The following RAB3IP variants were observed in gnomAD, a reference collection of about 807,000 sequenced individuals.
RAB3IP encodes the protein rab-3A-interacting protein.
In RAB3IP, 36 loss-of-function variants were observed where a neutral mutation model predicts 59.1. The observed-to-expected ratio is 0.61, with a 90% confidence interval of 0.47 to 0.80. The LOEUF (loss-of-function observed/expected upper bound fraction) is 0.80. RAB3IP is among the 30% of genes least tolerant of loss of function. The pLI is 0.00. For missense variants in RAB3IP, 511 were observed against 536.0 expected (o/e 0.95, Z 0.46); for synonymous variants, 207 against 191.2 (o/e 1.08, Z -0.68).
Position 69,784,764 on chromosome 12 carries a change from G to A in RAB3IP, c.555G>A (p.Val185=). The A allele has an allele frequency of 6.2e-7, 1 of 1,610,142 alleles. No homozygotes were observed. Among genetic ancestry groups the A allele is most frequent in the Non-Finnish European group, 8.5e-7 (1 of 1,177,786 alleles). The part of the protein sequence containing the change: ...KDEECERLSK[V]RDQLGQELEE... ...AAGAATGTGAGAGGCTTTCAAAAGT[G>A]CGAGATCAACTTGGACAGGAATTGG... Residue 185 remains valine, a synonymous_variant, in exon 4 of 11, where the codon GTG becomes GTA. Coordinates refer to ENST00000247833, the MANE Select transcript of RAB3IP (RefSeq NM_022456.5).
chr12:69,788,836 A>G (rs1213107572), intron 4 of RAB3IP, among the ~76,000 whole-genome samples: 5 of 152,122 alleles, frequency 3.3e-5, no homozygotes, highest in African/African-American at 9.6e-5. Context: ...AAGAAGATCA[A>G]AATCATTCTA....
chr12:69,786,862 C>T (rs1265231296), intron 4 of RAB3IP, among the ~76,000 whole-genome samples: 1 of 152,150 alleles, frequency 6.6e-6, no homozygotes, highest in Non-Finnish European at 1.5e-5. Flanking sequence ...CCTTTTCTAA[C>T]CCAGTGGTGG....
In RAB3IP at chr12:69,781,844, A is replaced by G. The variant is rs1303529873; in HGVS notation, c.511-2876A>G. 2.0e-5 allele frequency among the ~76,000 whole-genome samples: 3 copies of G among 152,218 alleles called. No homozygotes were observed. In the East Asian group the frequency reaches 5.8e-4, roughly 29 times the overall value. ...AAAGCTGCTGTAAATATGTGTTTGCAGGTTTTTGTGTGGACATGTGTTTGA... is the reference window on the plus strand; with the variant it reads ...AAAGCTGCTGTAAATATGTGTTTGCGGGTTTTTGTGTGGACATGTGTTTGA... On this transcript the variant is annotated intron_variant, in intron 3 of 10. Coordinates refer to ENST00000247833, the MANE Select transcript of RAB3IP (RefSeq NM_022456.5).
intron 3 of RAB3IP, 75 bp downstream of exon 3, chr12:69,756,738 G>A (rs2136130019): frequency 8.4e-7 from 1 of 1,194,290 alleles, no homozygotes; most frequent in African/African-American, 1.5e-5. Context: ...GGGGCAACCT[G>A]CAGAAATGAA....
chr12:69,786,398 A>T (rs1875651069), intron 4 of RAB3IP, among the ~76,000 whole-genome samples: 1 of 152,154 alleles, frequency 6.6e-6, no homozygotes, highest in Admixed American at 6.5e-5. Flanking sequence ...TTTTAAAATT[A>T]ATCTGTTTAT....
chr12:69,749,015 G>T (rs1160679922), intron 1 of RAB3IP, among the ~76,000 whole-genome samples: 1 of 152,216 alleles, frequency 6.6e-6, no homozygotes, highest in Non-Finnish European at 1.5e-5. Flanking sequence ...CCCCAGAAGG[G>T]AAACATTGTA....
At chr12:69,783,796 C>T (rs76233828) in intron 3 of RAB3IP, among the ~76,000 whole-genome samples, 4,028 of 152,234 alleles carry the variant, frequency 0.026, 192 homozygotes, top group African/African-American at 0.092. Flanking sequence ...TTTTGTACAT[C>T]TGGTGATCAT....
intron 8 of RAB3IP, among the ~76,000 whole-genome samples, chr12:69,811,343 GT>G (rs1880428494): frequency 6.6e-6 from 1 of 152,060 alleles, no homozygotes; most frequent in African/African-American, 2.4e-5. Flanking sequence ...CATGACACAT[GT>G]TTACCTATGT....
At chr12:69,747,891 GCTTT>G (rs1388895527) in intron 1 of RAB3IP, among the ~76,000 whole-genome samples, 1 of 152,156 alleles carries the variant, frequency 6.6e-6, no homozygotes, top group Admixed American at 6.5e-5. Context: ...AGGAGCCTTA[GCTTT>G]CTTCTTCAGG....
In RAB3IP at chr12:69,781,620, A is replaced by G. The variant is rs555023869; in HGVS notation, c.511-3100A>G. Among the ~76,000 whole-genome samples the G allele has an allele frequency of 9.8e-5, 15 of 152,314 alleles. No homozygotes were observed. The South Asian group carries it at 2.7e-3, about 27-fold the overall frequency. ...TCCAGATTGTCATAGAGTTGGAATCATATAGTGTGTAGCCTTTTCAGATTG... is the reference window on the plus strand; with the variant it reads ...TCCAGATTGTCATAGAGTTGGAATCGTATAGTGTGTAGCCTTTTCAGATTG... On this transcript the variant is annotated intron_variant, in intron 3 of 10. Coordinates refer to ENST00000247833, the MANE Select transcript of RAB3IP (RefSeq NM_022456.5).
chr12:69,755,243 T>C, intron 1 of RAB3IP, 141 bp from the exon 2 acceptor site: 2 of 721,100 alleles, frequency 2.8e-6, no homozygotes, highest in African/African-American at 3.6e-5. Context: ...CATGTGATTG[T>C]GGTTTTTTAA....
At chr12:69,751,134 G>A (rs575657550) in intron 1 of RAB3IP, among the ~76,000 whole-genome samples, 2 of 152,182 alleles carry the variant, frequency 1.3e-5, no homozygotes, top group Non-Finnish European at 2.9e-5. Flanking sequence ...GAGAAGGCCA[G>A]TGAGGTACTT....
Position 69,738,994 on chromosome 12 carries a change from C to T in RAB3IP, c.-63C>T, listed in dbSNP as rs1045749021. ...CGCGCTCTCTGCGGCTCTGTGAGCG[C>T]CCCTGAGCGCCGGCAGCGGCCGCGG... On this transcript the variant is annotated 5_prime_UTR_variant, in exon 1 of 11. Coordinates refer to ENST00000247833, the MANE Select transcript of RAB3IP (RefSeq NM_022456.5). 1 of 152,132 alleles carries T rather than the reference C, an allele frequency of 6.6e-6. No homozygotes were observed. Among genetic ancestry groups the T allele is most frequent in the African/African-American group, 2.4e-5 (1 of 41,428 alleles). The allele number at this position is 152,132 out of a possible 1,614,324, so 9.4% of individuals were successfully genotyped here. A position where few individuals can be genotyped will look rare whatever the true frequency, so the allele number is the denominator to read the frequency against.
chr12:69,801,495 G>C, intron 7 of RAB3IP, 114 bp from the exon 8 acceptor site: 1 of 525,024 alleles, frequency 1.9e-6, no homozygotes, highest in Non-Finnish European at 3.2e-6. Flanking sequence ...ATTTGCTAAA[G>C]CCAAGCTAGT....
At chr12:69,809,433 T>C (rs1009573882) in intron 8 of RAB3IP, among the ~76,000 whole-genome samples, 13 of 152,322 alleles carry the variant, frequency 8.5e-5, no homozygotes, top group South Asian at 2.1e-4. Flanking sequence ...TTTCCTGAAT[T>C]TGAATGTTGG....
chr12:69,791,809 T>G, intron 4 of RAB3IP, among the ~76,000 whole-genome samples: 1 of 152,238 alleles, frequency 6.6e-6, no homozygotes, highest in Non-Finnish European at 1.5e-5. Context: ...GCAATCCCAC[T>G]TCCAGATATA....
chr12:69,747,331 TGA>T (rs774489387), intron 1 of RAB3IP, among the ~76,000 whole-genome samples: 1,530 of 85,928 alleles, frequency 0.018, 20 homozygotes, highest in African/African-American at 0.047. Context: ...TGTGTGTGTG[TGA>T]GAGAGAGAGA....
intron 5 of RAB3IP, 24 bp downstream of exon 5, chr12:69,794,538 G>A (rs747465815): frequency 1.0e-4 from 156 of 1,566,412 alleles, no homozygotes; most frequent in Admixed American, 3.0e-4. Flanking sequence ...GCTCTTAATA[G>A]TATAAAATAA....
At position 69,756,523 on chromosome 12, in the gene RAB3IP, A is replaced by G. The variant is rs999609632; in HGVS notation, c.370A>G (p.Ile124Val). 4 of 1,614,186 alleles carry G rather than the reference A, an allele frequency of 2.5e-6. No homozygotes were observed. The highest frequency in any genetic ancestry group is 2.2e-5 in the East Asian group (1 of 44,884). Residue 124 changes from isoleucine (I) to valine (V), a missense_variant, in exon 3 of 11, where the codon ATA becomes GTA. Coordinates refer to ENST00000247833, the MANE Select transcript of RAB3IP (RefSeq NM_022456.5). Reference protein sequence around the residue: ...AEREFLQGATITEACDGSDDI... With the variant: ...AEREFLQGATVTEACDGSDDI... ...GAGAGAGTTTTTACAGGGTGCTACTATAACAGAGGCTTGCGATGGCAGTGA... is the reference window on the plus strand; with the variant it reads ...GAGAGAGTTTTTACAGGGTGCTACTGTAACAGAGGCTTGCGATGGCAGTGA...
Sources: allele counts gnomAD v4.1 joint callset (sites outside exome capture counted in the v4.1 genomes callset), GRCh38; gene constraint gnomAD v4.1.1; transcripts MANE v1.5; gene names NCBI Gene and HGNC (gene_info 2026-07-23, HGNC 2026-07-21).